The following KIF6 variants were observed in gnomAD, a reference collection of about 807,000 sequenced individuals.
KIF6 encodes kinesin-like protein KIF6.
Under a neutral mutation model 112.7 loss-of-function variants are expected in KIF6, and 106 were observed. That is an observed-to-expected ratio of 0.94 (90% CI 0.80 to 1.11). KIF6 has a LOEUF of 1.11. Among genes scored for constraint, KIF6 ranks in the 50% least tolerant of loss-of-function variants. The probability of loss-of-function intolerance (pLI) is 0.00; values close to 1 mark genes in which losing one functional copy is unlikely to be tolerated. For synonymous variants in KIF6, 339 were observed against 339.9 expected (o/e 1.00, Z 0.03); for missense variants, 929 against 964.0 (o/e 0.96, Z 0.48).
rs146810595 is a variant in KIF6, at chr6:39,358,606, C to T, written c.2083-1232G>A. 5.5e-3 allele frequency among the ~76,000 whole-genome samples: 841 copies of T among 152,324 alleles called. 4 individuals carry two copies. Among genetic ancestry groups the T allele is most frequent in the African/African-American group, 0.015 (623 of 41,574 alleles). The stretch of plus-strand genomic sequence containing the variant: ...TCGACCGGTCAGTGGTGGACTCCCT[C>T]GGGCACCAGCTGGGGAAGGCCTCAT... On this transcript the variant is annotated intron_variant, in intron 18 of 22. Coordinates refer to ENST00000287152, the MANE Select transcript of KIF6 (RefSeq NM_145027.6).
Position 39,398,217 on chromosome 6 carries a change from T to C in KIF6, c.1811-12545A>G, listed in dbSNP as rs143575759. Among the ~76,000 whole-genome samples the C allele has an allele frequency of 1.8e-4, 28 of 152,368 alleles. No homozygotes were observed. In the East Asian group the frequency reaches 5.0e-3, roughly 27 times the overall value. ...CACATAAAGGCGTAATCCTTAATTA[T>C]GGCTTTTTCTATCACAGGGATGTTC... On this transcript the variant is annotated intron_variant, in intron 15 of 22. Transcript: ENST00000287152.
chr6:39,721,825 T>TA (rs1195922481), intron 1 of KIF6, among the ~76,000 whole-genome samples: 1 of 137,380 alleles, frequency 7.3e-6, no homozygotes, highest in Admixed American at 7.4e-5. Context: ...TTTTTTTTTT[T>TA]AAAGGCTTCT....
chr6:39,584,933 C>T lies in KIF6; in HGVS notation c.1042G>A (p.Glu348Lys). 1 of 1,612,174 alleles carries T rather than the reference C, an allele frequency of 6.2e-7. No individual in the cohort carries two copies. The change falls in exon 9 of 23, where the codon GAA becomes AAA. Residue 348 changes from glutamate to lysine, a missense_variant. Physicochemically the swap from Glu to Lys is moderately conservative, Grantham distance 56. Transcript: ENST00000287152. ...FAQRVALIKN[E>K]AVLNEEINPR... ...TTAATTTCTTCATTAAGAACAGCTTCATTCTTTATGAGTGCCACTCGCTGT... is the reference window on the plus strand; with the variant it reads ...TTAATTTCTTCATTAAGAACAGCTTTATTCTTTATGAGTGCCACTCGCTGT...
intron 1 of KIF6, among the ~76,000 whole-genome samples, chr6:39,722,147 TA>T (rs920907790): frequency 1.3e-4 from 19 of 148,676 alleles, no homozygotes; most frequent in African/African-American, 3.4e-4. Flanking sequence ...GGCACTACAT[TA>T]AAAAAAAAAG....
intron 15 of KIF6, among the ~76,000 whole-genome samples, chr6:39,408,249 T>A (rs1265895731): frequency 6.6e-6 from 1 of 152,122 alleles, no homozygotes; most frequent in Non-Finnish European, 1.5e-5. Context: ...TGCAGGGAAA[T>A]GAGTACTGTC....
intron 3 of KIF6, among the ~76,000 whole-genome samples, chr6:39,694,469 T>C (rs1236965612): frequency 1.3e-5 from 2 of 152,208 alleles, no homozygotes; most frequent in Non-Finnish European, 2.9e-5. Flanking sequence ...TTCAGCAAAG[T>C]CTCAGAATAC....
At chr6:39,584,251 G>A (rs142571601) in intron 9 of KIF6, among the ~76,000 whole-genome samples, 281 of 151,096 alleles carry the variant, frequency 1.9e-3, no homozygotes, top group Middle Eastern at 0.01. Flanking sequence ...GTGAAACCCC[G>A]TCTCTACTAA....
intron 13 of KIF6, among the ~76,000 whole-genome samples, chr6:39,537,198 G>A (rs1778487322): frequency 6.6e-6 from 1 of 152,174 alleles, no homozygotes. Flanking sequence ...TCAACATAGT[G>A]TTGGAAGTTC....
intron 3 of KIF6, among the ~76,000 whole-genome samples, chr6:39,701,499 G>T (rs1429459582): frequency 6.6e-6 from 1 of 152,232 alleles, no homozygotes; most frequent in Non-Finnish European, 1.5e-5. Context: ...AACAACTTGC[G>T]TGTGCTGCTG....
intron 16 of KIF6, among the ~76,000 whole-genome samples, chr6:39,371,760 A>G (rs1157435736): frequency 6.6e-6 from 1 of 152,136 alleles, no homozygotes; most frequent in Non-Finnish European, 1.5e-5. Context: ...CCTGACCCAT[A>G]TAGATTCAAA....
chr6:39,630,042 TA>T (rs1204871473), intron 5 of KIF6, among the ~76,000 whole-genome samples: 1 of 152,102 alleles, frequency 6.6e-6, no homozygotes, highest in Admixed American at 6.6e-5. Context: ...TCCATTGATA[TA>T]TGTGTCAGTT....
At chr6:39,561,719 A>G (rs970875267) in intron 10 of KIF6, among the ~76,000 whole-genome samples, 2 of 152,162 alleles carry the variant, frequency 1.3e-5, no homozygotes, top group African/African-American at 4.8e-5. Context: ...GCAAGGAAAC[A>G]TGATGCTTTG....
chr6:39,437,952 T>C (rs1161098684), intron 13 of KIF6, among the ~76,000 whole-genome samples: 1 of 151,038 alleles, frequency 6.6e-6, no homozygotes, highest in East Asian at 1.9e-4. Context: ...GATTTATGTA[T>C]TTACTATACT....
At chr6:39,671,042 C>T (rs146655143) in intron 3 of KIF6, among the ~76,000 whole-genome samples, 67 of 152,280 alleles carry the variant, frequency 4.4e-4, no homozygotes, top group Non-Finnish European at 8.7e-4. Flanking sequence ...TTGATAATTA[C>T]TGTGGGAATA....
chr6:39,518,331 G>C (rs772384517), intron 13 of KIF6, among the ~76,000 whole-genome samples: 5 of 152,188 alleles, frequency 3.3e-5, no homozygotes, highest in Non-Finnish European at 7.4e-5. Context: ...ACACACACAT[G>C]CTTGCACAGC....
intron 13 of KIF6, among the ~76,000 whole-genome samples, chr6:39,528,972 C>T (rs374300483): frequency 6.6e-6 from 1 of 152,098 alleles, no homozygotes; most frequent in African/African-American, 2.4e-5. Context: ...ATAGACTCAT[C>T]GACCAATGGA....
chr6:39,651,614 T>A (rs998154912), intron 3 of KIF6, among the ~76,000 whole-genome samples: 1 of 152,218 alleles, frequency 6.6e-6, no homozygotes, highest in African/African-American at 2.4e-5. Context: ...TTCTCCATAC[T>A]TCTAGTCTCA....
chr6:39,450,143 G>A (rs9462550), intron 13 of KIF6, among the ~76,000 whole-genome samples: 7,168 of 152,286 alleles, frequency 0.047, 450 homozygotes, highest in African/African-American at 0.15. Flanking sequence ...CCTGGCAAGA[G>A]TTTCCATTTC....
At chr6:39,685,696 A>G (rs1369177008) in intron 3 of KIF6, among the ~76,000 whole-genome samples, 1 of 152,196 alleles carries the variant, frequency 6.6e-6, no homozygotes, top group Non-Finnish European at 1.5e-5. Context: ...CAGAGGGGAA[A>G]TTTTGCTGAG....
Sources: allele counts gnomAD v4.1 joint callset (sites outside exome capture counted in the v4.1 genomes callset), GRCh38; gene constraint gnomAD v4.1.1; transcripts MANE v1.5; gene names NCBI Gene and HGNC (gene_info 2026-07-23, HGNC 2026-07-21).